PNPLA5: variants seen among roughly 807,000 people sequenced by gnomAD.
PNPLA5 encodes patatin-like phospholipase domain-containing protein 5.
In PNPLA5, 44 loss-of-function variants were observed where a neutral mutation model predicts 49.1. That is an observed-to-expected ratio of 0.90 (90% CI 0.70 to 1.15). PNPLA5 has a LOEUF of 1.15. Ranked by LOEUF, PNPLA5 falls within the 50% of genes most tolerant of loss-of-function variation. The probability of loss-of-function intolerance (pLI) is 0.00; values close to 1 mark genes in which losing one functional copy is unlikely to be tolerated. For synonymous variants in PNPLA5, 243 were observed against 244.4 expected (o/e 0.99, Z 0.06); for missense variants, 603 against 564.0 (o/e 1.07, Z -0.70).
chr22:43,891,893 G>C lies in PNPLA5; in HGVS notation c.-13C>G. On this transcript the variant is annotated 5_prime_UTR_variant, in exon 1 of 9. Transcript: ENST00000216177. Reference sequence around the variant, plus strand: ...CTAAGAAGCCCATGGCGGGTGGACCGGGCGGGGTGATCGGGACGAGGAAGG... The same window carrying C: ...CTAAGAAGCCCATGGCGGGTGGACCCGGCGGGGTGATCGGGACGAGGAAGG... 1 of 1,507,022 alleles carries C rather than the reference G, an allele frequency of 6.6e-7. No individual in the cohort carries two copies. The highest frequency in any genetic ancestry group is 8.8e-7 in the Non-Finnish European group (1 of 1,135,082). The allele number at this position is 1,507,022 out of a possible 1,614,324, so 93.4% of individuals were successfully genotyped here.
At chr22:43,885,956 G>A (rs1023277247) in intron 6 of PNPLA5, among the ~76,000 whole-genome samples, 1 of 152,182 alleles carries the variant, frequency 6.6e-6, no homozygotes, top group Non-Finnish European at 1.5e-5. Flanking sequence ...CAACACTCCC[G>A]CCCTTTCCGG....
rs2049639603 is a variant in PNPLA5, at chr22:43,884,281, T to G, written c.1014A>C (p.Gly338=). 1.2e-6 allele frequency: 2 copies of G among 1,600,920 alleles called. No homozygotes were observed. The highest frequency in any genetic ancestry group is 1.3e-5 in the African/African-American group (1 of 74,076). ...RWARFWHSGP[G]QVLTYLLLPC... The stretch of plus-strand genomic sequence containing the variant: ...GTAGCAGCAGGTACGTCAGCACCTG[T>G]CCAGGCCCCGAGTGCCAGAAGCGGG... The change falls in exon 7 of 9, where the codon GGA becomes GGC. Residue 338 remains glycine (G), a synonymous_variant. Coordinates refer to ENST00000216177, the MANE Select transcript of PNPLA5 (RefSeq NM_138814.4).
chr22:43,881,768 G>C, intron 7 of PNPLA5, 94 bp from the exon 8 acceptor site: 2 of 1,511,662 alleles, frequency 1.3e-6, no homozygotes, highest in Admixed American at 2.1e-5. Flanking sequence ...ACAGCCGGGA[G>C]CCCTGCTCCT....
At chr22:43,888,340 A>G (rs2049686593) in intron 4 of PNPLA5, among the ~76,000 whole-genome samples, 1 of 146,926 alleles carries the variant, frequency 6.8e-6, no homozygotes, top group Non-Finnish European at 1.5e-5. Flanking sequence ...AGAAGGGACA[A>G]GGAAGAGCCA....
chr22:43,887,680 G>A lies in PNPLA5; in HGVS notation c.703-29C>T, dbSNP rs762548907. 6.3e-6 allele frequency: 10 copies of A among 1,584,272 alleles called. No homozygotes were observed. In the African/African-American group the frequency reaches 1.1e-4, roughly 17 times the overall value. Reference sequence around the variant, plus strand: ...CCAACACACAGGGCAAGGGTGAGATGGGCAAGGCCTGGACCTACCCCTCGA... The same window carrying A: ...CCAACACACAGGGCAAGGGTGAGATAGGCAAGGCCTGGACCTACCCCTCGA... On this transcript the variant is annotated intron_variant, in intron 4 of 8. Coordinates refer to ENST00000216177, the MANE Select transcript of PNPLA5 (RefSeq NM_138814.4).
rs60759301 is a variant in PNPLA5 at position 43,889,759 on chromosome 22, G to A, written c.492+40C>T. ...CACCTCTCCACGGTGTGCACCCCAG[G>A]CTGCCCAGAGCACAGAACGGGGTTC... is the stretch of plus-strand genomic sequence containing the variant. On this transcript the variant is annotated intron_variant, in intron 3 of 8. Transcript: ENST00000216177. The A allele has an allele frequency of 2.8e-3, 4,416 of 1,599,118 alleles. 124 individuals carry two copies. In the African/African-American group the frequency reaches 0.053, roughly 19 times the overall value.
intron 6 of PNPLA5, 45 bp from the exon 7 acceptor site, chr22:43,884,390 G>A: frequency 2.0e-6 from 3 of 1,485,264 alleles, no homozygotes; most frequent in Non-Finnish European, 2.7e-6. Context: ...TGAAGTCTGT[G>A]GGCCAGCAAC....
At chr22:43,886,160 T>C (rs1425947954) in intron 6 of PNPLA5, 143 bp downstream of exon 6, 1 of 893,802 alleles carries the variant, frequency 1.1e-6, no homozygotes, top group African/African-American at 1.7e-5. Flanking sequence ...AAGCCCATAG[T>C]ACCACACTTG....
intron 7 of PNPLA5, among the ~76,000 whole-genome samples, chr22:43,881,975 G>T (rs1271754018): frequency 2.6e-5 from 4 of 152,148 alleles, no homozygotes; most frequent in African/African-American, 9.7e-5. Flanking sequence ...TGGACCTTTG[G>T]GGTCAGGCTG....
At chr22:43,890,911 T>A in intron 2 of PNPLA5, 151 bp downstream of exon 2, 1 of 1,040,688 alleles carries the variant, frequency 9.6e-7, no homozygotes, top group Non-Finnish European at 1.4e-6. Flanking sequence ...CGACCCTCTC[T>A]GGGCCTCAGT....
At chr22:43,881,976 G>A (rs1199627898) in intron 7 of PNPLA5, among the ~76,000 whole-genome samples, 3 of 152,250 alleles carry the variant, frequency 2.0e-5, no homozygotes, top group East Asian at 1.9e-4. Context: ...GGACCTTTGG[G>A]GTCAGGCTGG....
intron 6 of PNPLA5, among the ~76,000 whole-genome samples, chr22:43,884,723 C>CTCTCTCATA (rs1217188651): frequency 8.9e-6 from 1 of 111,798 alleles, no homozygotes; most frequent in Admixed American, 9.5e-5. Flanking sequence ...TCTCACCACA[C>CTCTCTCATA]TCTCTCATAA....
chr22:43,887,555 G>A (rs1220823879), intron 5 of PNPLA5, 36 bp downstream of exon 5: 3 of 1,601,106 alleles, frequency 1.9e-6, no homozygotes, highest in East Asian at 2.2e-5. Flanking sequence ...CACCATGTGG[G>A]ACATGATCCC....
At position 43,886,424 on chromosome 22, in the gene PNPLA5, T is replaced by C. The variant is rs1603412628; in HGVS notation, c.828A>G (p.Gly276=). ...GTTGGTCACAGCCAGCATCCCAGTT[T>C]CCGTCAGCCGGGGCTGGGGGTTCCT... ...VSKEPPAPAD[G]NWDAGCDQRW... The change falls in exon 6 of 9, where the codon GGA becomes GGG. Residue 276 remains glycine (G), a synonymous_variant. Transcript: ENST00000216177. 6.2e-7 allele frequency: 1 copy of C among 1,614,146 alleles called. No individual in the cohort carries two copies. Among genetic ancestry groups the C allele is most frequent in the Non-Finnish European group, 8.5e-7 (1 of 1,180,026 alleles).
Position 43,891,290 on chromosome 22 carries a change from G to T in PNPLA5, c.198C>A (p.Phe66Leu). ...CCATGCCCAGGAGGTGGGAGCAGCA[G>T]AAGTCTGCAGTGGGGGCAGGGAAAG... ...VSIVCGKSVDFCCSHLLGMVG... is the reference protein window; with the variant it reads ...VSIVCGKSVDLCCSHLLGMVG... Residue 66 changes from phenylalanine (F) to leucine (L), a missense_variant, in exon 2 of 9, where the codon TTC becomes TTA. Transcript: ENST00000216177. 6.4e-7 allele frequency: 1 copy of T among 1,555,784 alleles called. No individual in the cohort carries two copies. Among genetic ancestry groups the T allele is most frequent in the East Asian group, 2.3e-5 (1 of 44,006 alleles).
At chr22:43,883,306 A>C (rs2049629028) in intron 7 of PNPLA5, among the ~76,000 whole-genome samples, 1 of 151,988 alleles carries the variant, frequency 6.6e-6, no homozygotes, top group Non-Finnish European at 1.5e-5. Context: ...AGTGTGTGAT[A>C]ATTTGTAGGT....
chr22:43,887,173 G>A (rs1194741596), intron 5 of PNPLA5, among the ~76,000 whole-genome samples: 1 of 152,068 alleles, frequency 6.6e-6, no homozygotes, highest in Non-Finnish European at 1.5e-5. Flanking sequence ...TGCCTAGAAT[G>A]CCCTCTTCTT....
rs1197119613 is a variant in PNPLA5 at position 43,884,212 on chromosome 22, C to T, written c.1082+1G>A. 1.3e-6 allele frequency: 2 copies of T among 1,540,852 alleles called. No homozygotes were observed. The highest frequency in any genetic ancestry group is 1.8e-6 in the Non-Finnish European group (2 of 1,139,768). ...TCCCAGGCCCCCTGGCCGAGCCTTACCTTCTGCTGCGGAAGTAGATGTACT... is the reference window on the plus strand; with the variant it reads ...TCCCAGGCCCCCTGGCCGAGCCTTATCTTCTGCTGCGGAAGTAGATGTACT... On this transcript the variant is annotated splice_donor_variant, in intron 7 of 8. Transcript: ENST00000216177. LOFTEE classifies it high-confidence loss of function.
intron 4 of PNPLA5, among the ~76,000 whole-genome samples, chr22:43,888,426 C>CT (rs11408284): frequency 0.13 from 10,891 of 84,068 alleles, 2,494 homozygotes; most frequent in Non-Finnish European, 0.15. Context: ...TTCTTTCCTT[C>CT]TTTTTTTTTT....
Sources: gnomAD v4.1 joint callset for allele counts (sites outside exome capture counted in the v4.1 genomes callset) on GRCh38, gnomAD v4.1.1 for gene constraint, MANE v1.5 for transcripts, NCBI Gene and HGNC (gene_info 2026-07-23, HGNC 2026-07-21) for gene names.